The following KIT variants were observed in gnomAD, a reference collection of about 807,000 sequenced individuals.
KIT encodes mast/stem cell growth factor receptor Kit.
KIT carries 16 observed loss-of-function variants against 105.7 expected under a neutral mutation model. The observed-to-expected ratio is 0.15, with a 90% CI of 0.10 to 0.23. The LOEUF is 0.23. Among genes scored for constraint, KIT ranks in the 10% least tolerant of loss-of-function variants. KIT has a pLI of 1.00. For synonymous variants in KIT, 438 were observed against 441.1 expected (o/e 0.99, Z 0.09); for missense variants, 858 against 1,213.8 (o/e 0.71, Z 4.36).
intron 1 of KIT, among the ~76,000 whole-genome samples, chr4:54,678,345 C>T (rs1250792429): frequency 4.0e-5 from 4 of 99,488 alleles, no homozygotes; most frequent in Non-Finnish European, 7.7e-5. Flanking sequence ...TCCTTCCTTC[C>T]TTCCTTCCCT....
intron 7 of KIT, among the ~76,000 whole-genome samples, chr4:54,710,885 TCAAACATGTTGA>T (rs1721113669): frequency 6.6e-6 from 1 of 152,136 alleles, no homozygotes; most frequent in African/African-American, 2.4e-5. Flanking sequence ...GTTTTTGTTT[TCAAACATGTTGA>T]CAAACATGTT....
At chr4:54,686,431 A>G (rs1456843711) in intron 1 of KIT, among the ~76,000 whole-genome samples, 1 of 152,226 alleles carries the variant, frequency 6.6e-6, no homozygotes, top group African/African-American at 2.4e-5. Flanking sequence ...AGAAATTTGC[A>G]TTGTCCAAAG....
intron 1 of KIT, among the ~76,000 whole-genome samples, chr4:54,685,209 G>A (rs1210935401): frequency 2.0e-5 from 3 of 152,040 alleles, no homozygotes; most frequent in South Asian, 2.1e-4. Context: ...GGGATTTCAT[G>A]GACACCACTA....
chr4:54,718,959 A>G (rs1482622751), intron 7 of KIT, among the ~76,000 whole-genome samples: 1 of 152,182 alleles, frequency 6.6e-6, no homozygotes, highest in East Asian at 1.9e-4. Context: ...TCTTTATTAT[A>G]ATGGTATTAT....
At chr4:54,731,596 A>G (rs565646725) in intron 15 of KIT, among the ~76,000 whole-genome samples, 177 bp downstream of exon 15, 2 of 152,226 alleles carry the variant, frequency 1.3e-5, no homozygotes, top group South Asian at 4.1e-4. Flanking sequence ...GGGTCAGAGC[A>G]TATGTTTTTG....
intron 1 of KIT, 143 bp from the exon 2 acceptor site, chr4:54,695,369 C>G: frequency 2.4e-6 from 2 of 836,958 alleles, no homozygotes; most frequent in South Asian, 2.9e-5. Flanking sequence ...AGACAGAACT[C>G]TCTTTTCAGC....
chr4:54,704,625 C>T (rs557097694), intron 5 of KIT, among the ~76,000 whole-genome samples: 3 of 152,216 alleles, frequency 2.0e-5, no homozygotes, highest in Admixed American at 2.0e-4. Flanking sequence ...TAGTGAGTTT[C>T]TTCATGCTTT....
intron 1 of KIT, among the ~76,000 whole-genome samples, chr4:54,667,330 C>G (rs766376657): frequency 6.6e-6 from 1 of 152,122 alleles, no homozygotes; most frequent in Admixed American, 6.6e-5. Context: ...TTTATTAATA[C>G]CTGTCACTTT....
intron 7 of KIT, among the ~76,000 whole-genome samples, chr4:54,720,325 C>T (rs1721787716): frequency 1.3e-5 from 2 of 152,168 alleles, no homozygotes; most frequent in South Asian, 4.1e-4. Context: ...TTATGACCCA[C>T]CTGGGATAGA....
At position 54,674,410 on chromosome 4, in the gene KIT, G is replaced by C. The variant is rs111512404; in HGVS notation, c.67+16329G>C. Among the ~76,000 whole-genome samples, 1,227 of 152,294 alleles carry C rather than the reference G, an allele frequency of 8.1e-3. 19 individuals carry two copies. Among genetic ancestry groups the C allele is most frequent in the African/African-American group, 0.028 (1,184 of 41,552 alleles). The stretch of plus-strand genomic sequence containing the variant: ...CCTCTGAGCTTTCCAGTGAGTGCCT[G>C]ATAGTGGTTCCTGTAGCTGATGGTA... On this transcript the variant is annotated intron_variant, in intron 1 of 20. Coordinates refer to ENST00000288135, the MANE Select transcript of KIT (RefSeq NM_000222.3).
chr4:54,669,121 A>C (rs1193248355), intron 1 of KIT, among the ~76,000 whole-genome samples: 2 of 152,148 alleles, frequency 1.3e-5, no homozygotes, highest in Admixed American at 1.3e-4. Flanking sequence ...ATGTTTCTCT[A>C]CTTATTTTAG....
chr4:54,732,665 CCTT>C (rs1262042131), intron 16 of KIT, among the ~76,000 whole-genome samples: 2 of 152,064 alleles, frequency 1.3e-5, no homozygotes, highest in African/African-American at 4.8e-5. Flanking sequence ...GAAATAAAGA[CCTT>C]CTTCCGTGTG....
chr4:54,662,256 G>C (rs1014561492), intron 1 of KIT, among the ~76,000 whole-genome samples: 1 of 152,056 alleles, frequency 6.6e-6, no homozygotes, highest in African/African-American at 2.4e-5. Context: ...GAGACAGGCC[G>C]GCCTACCTTG....
At chr4:54,690,959 A>C (rs189620139) in intron 1 of KIT, among the ~76,000 whole-genome samples, 3 of 152,360 alleles carry the variant, frequency 2.0e-5, no homozygotes, top group Admixed American at 2.0e-4. Flanking sequence ...TTGAAAATAA[A>C]ACCCTGAATA....
chr4:54,698,487 C>T lies in KIT; in HGVS notation c.541C>T (p.Arg181Trp), dbSNP rs2109674102. ...CAAAAGTGTGAAACGCGCCTACCATCGGCTCTGTCTGCATTGTTCTGTGGA... is the reference window on the plus strand; with the variant it reads ...CAAAAGTGTGAAACGCGCCTACCATTGGCTCTGTCTGCATTGTTCTGTGGA... Reference protein sequence around the residue: ...MIKSVKRAYHRLCLHCSVDQE... With the variant: ...MIKSVKRAYHWLCLHCSVDQE... Residue 181 changes from arginine to tryptophan, a missense_variant, in exon 3 of 21, where the codon CGG becomes TGG. Around this residue, in one of 7 missense-constraint regions of KIT, gnomAD observed 401 missense variants for 601.0 expected, o/e 0.67. Transcript: ENST00000288135. The T allele has an allele frequency of 6.2e-7, 1 of 1,614,188 alleles. No homozygotes were observed. The highest frequency in any genetic ancestry group is 8.5e-7 in the Non-Finnish European group (1 of 1,180,038).
chr4:54,665,169 A>G (rs1717598057), intron 1 of KIT, among the ~76,000 whole-genome samples: 2 of 152,136 alleles, frequency 1.3e-5, no homozygotes, highest in Non-Finnish European at 2.9e-5. Flanking sequence ...TTTATTTCAC[A>G]TACCGTAACA....
chr4:54,675,994 C>T (rs759854212), intron 1 of KIT, among the ~76,000 whole-genome samples: 1 of 152,194 alleles, frequency 6.6e-6, no homozygotes, highest in African/African-American at 2.4e-5. Context: ...GCCCGACTGG[C>T]TGCCAAAGCT....
At position 54,698,462 on chromosome 4, in the gene KIT, C is replaced by A; in HGVS notation, c.516C>A (p.Ile172=). Residue 172 remains isoleucine (I), a synonymous_variant, in exon 3 of 21, where the codon ATC becomes ATA. Transcript: ENST00000288135. The part of the protein sequence containing the change: ...FIPDPKAGIM[I]KSVKRAYHRL... Reference sequence around the variant, plus strand: ...CTGACCCCAAGGCGGGCATCATGATCAAAAGTGTGAAACGCGCCTACCATC... The same window carrying A: ...CTGACCCCAAGGCGGGCATCATGATAAAAAGTGTGAAACGCGCCTACCATC... 6.2e-7 allele frequency: 1 copy of A among 1,614,162 alleles called. No homozygotes were observed. The highest frequency in any genetic ancestry group is 8.5e-7 in the Non-Finnish European group (1 of 1,180,024).
intron 1 of KIT, among the ~76,000 whole-genome samples, chr4:54,672,918 G>C (rs1317989670): frequency 1.3e-5 from 2 of 152,186 alleles, no homozygotes; most frequent in Non-Finnish European, 2.9e-5. Flanking sequence ...AGGTTGGCTA[G>C]TATAAAATTG....
Sources: gnomAD v4.1 joint callset for allele counts (sites outside exome capture counted in the v4.1 genomes callset) on GRCh38, gnomAD v4.1.1 for gene constraint, gnomAD v4.1.1 regional missense constraint, MANE v1.5 for transcripts, NCBI Gene and HGNC (gene_info 2026-07-23, HGNC 2026-07-21) for gene names.